The following PLCXD3 variants were observed in gnomAD, a reference collection of about 807,000 sequenced individuals.
The protein encoded by PLCXD3 is PI-PLC X domain-containing protein 3.
A neutral mutation model predicts 25.5 loss-of-function variants in PLCXD3; 19 were observed. That is an observed-to-expected ratio of 0.75 (90% confidence interval 0.52 to 1.09). The LOEUF (loss-of-function observed/expected upper bound fraction) is 1.09, where lower values mean the gene tolerates loss of function less well. Ranked by LOEUF, PLCXD3 falls within the 50% of genes least tolerant of loss-of-function variation. PLCXD3 has a pLI of 0.00. For missense variants in PLCXD3, 411 were observed against 388.1 expected (o/e 1.06, Z -0.50); for synonymous variants, 174 against 137.6 (o/e 1.26, Z -1.85).
At chr5:41,392,340 G>T (rs1561257566) in intron 1 of PLCXD3, among the ~76,000 whole-genome samples, 1 of 150,256 alleles carries the variant, frequency 6.7e-6, no homozygotes, top group South Asian at 2.1e-4. Context: ...AGAGAGAGAG[G>T]GAGAGAGAGA....
At chr5:41,479,468 A>C (rs186763779) in intron 1 of PLCXD3, among the ~76,000 whole-genome samples, 3 of 152,288 alleles carry the variant, frequency 2.0e-5, no homozygotes, top group Admixed American at 2.0e-4. Flanking sequence ...GTATGCCTAA[A>C]ATCGTTTAAA....
chr5:41,372,752 C>G (rs927389279), intron 2 of PLCXD3, among the ~76,000 whole-genome samples: 5 of 151,932 alleles, frequency 3.3e-5, no homozygotes, highest in African/African-American at 1.2e-4. Flanking sequence ...ACCTTAAAAA[C>G]TGAGTTCTTG....
At chr5:41,448,775 T>C (rs945183980) in intron 1 of PLCXD3, among the ~76,000 whole-genome samples, 2 of 152,178 alleles carry the variant, frequency 1.3e-5, no homozygotes, top group Non-Finnish European at 2.9e-5. Context: ...ATGAGTGAAA[T>C]AAATGAATGC....
chr5:41,330,082 A>C (rs1427366614), intron 2 of PLCXD3, among the ~76,000 whole-genome samples: 1 of 152,178 alleles, frequency 6.6e-6, no homozygotes, highest in East Asian at 1.9e-4. Context: ...TTTTCAATGA[A>C]GTGTATCTTT....
At chr5:41,457,215 C>CTCA (rs1375318806) in intron 1 of PLCXD3, among the ~76,000 whole-genome samples, 2 of 151,860 alleles carry the variant, frequency 1.3e-5, no homozygotes, top group Non-Finnish European at 2.9e-5. Context: ...CACACTTGGC[C>CTCA]TCATATCAGA....
intron 1 of PLCXD3, among the ~76,000 whole-genome samples, chr5:41,453,526 T>C (rs1393334244): frequency 6.6e-6 from 1 of 151,970 alleles, no homozygotes; most frequent in East Asian, 1.9e-4. Context: ...ACTCACTATA[T>C]AAACATTTAT....
chr5:41,317,504 C>A (rs1457242932), intron 2 of PLCXD3, among the ~76,000 whole-genome samples: 1 of 151,918 alleles, frequency 6.6e-6, no homozygotes, highest in Non-Finnish European at 1.5e-5. Context: ...GGTGACCTCA[C>A]CATATGAACT....
At chr5:41,337,093 A>G (rs866580217) in intron 2 of PLCXD3, among the ~76,000 whole-genome samples, 2 of 152,160 alleles carry the variant, frequency 1.3e-5, no homozygotes, top group Non-Finnish European at 2.9e-5. Context: ...CCACCAGGGT[A>G]GGTTTTCAGC....
At chr5:41,348,639 T>TTTG (rs1744368449) in intron 2 of PLCXD3, among the ~76,000 whole-genome samples, 1 of 151,994 alleles carries the variant, frequency 6.6e-6, no homozygotes, top group Non-Finnish European at 1.5e-5. Flanking sequence ...TACTGAGTTT[T>TTTG]TTTGTTTGTT....
chr5:41,347,551 G>C (rs1744335264), intron 2 of PLCXD3, among the ~76,000 whole-genome samples: 1 of 152,218 alleles, frequency 6.6e-6, no homozygotes. Context: ...CAAAAAGGCA[G>C]GGAGCTTGGT....
chr5:41,398,702 G>A (rs1178077174), intron 1 of PLCXD3, among the ~76,000 whole-genome samples: 3 of 151,988 alleles, frequency 2.0e-5, no homozygotes, highest in African/African-American at 7.3e-5. Context: ...CCCAAAAACT[G>A]GGGATAGAAG....
intron 2 of PLCXD3, among the ~76,000 whole-genome samples, chr5:41,373,812 T>C (rs933042808): frequency 7.9e-5 from 12 of 152,122 alleles, no homozygotes; most frequent in African/African-American, 2.4e-4. Context: ...TAAGTCTTCT[T>C]ACATGAGAAT....
intron 1 of PLCXD3, among the ~76,000 whole-genome samples, chr5:41,459,843 GTGTACAA>G (rs1747835511): frequency 6.6e-6 from 1 of 151,886 alleles, no homozygotes; most frequent in Admixed American, 6.6e-5. Context: ...CTGCCATTAA[GTGTACAA>G]TCAAGCAAGC....
At chr5:41,490,076 A>G (rs1344248308) in intron 1 of PLCXD3, among the ~76,000 whole-genome samples, 1 of 152,072 alleles carries the variant, frequency 6.6e-6, no homozygotes, top group African/African-American at 2.4e-5. Flanking sequence ...TGGGTTTGTC[A>G]TAGATAGCTC....
chr5:41,500,381 A>G (rs1489387087), intron 1 of PLCXD3, among the ~76,000 whole-genome samples: 4 of 151,890 alleles, frequency 2.6e-5, no homozygotes, highest in African/African-American at 9.7e-5. Context: ...ATACATGTAC[A>G]TACGAATGTA....
chr5:41,316,351 C>A (rs979991520), intron 2 of PLCXD3, among the ~76,000 whole-genome samples: 2 of 152,202 alleles, frequency 1.3e-5, no homozygotes, highest in Non-Finnish European at 2.9e-5. Flanking sequence ...AGATAACCAG[C>A]AGAGATATCC....
intron 2 of PLCXD3, among the ~76,000 whole-genome samples, chr5:41,376,221 T>A (rs1164787312): frequency 6.6e-6 from 1 of 152,132 alleles, no homozygotes; most frequent in African/African-American, 2.4e-5. Flanking sequence ...AAAATGATAC[T>A]GTAAATGGTA....
At chr5:41,343,547 C>A (rs1350085196) in intron 2 of PLCXD3, among the ~76,000 whole-genome samples, 1 of 152,072 alleles carries the variant, frequency 6.6e-6, no homozygotes, top group Non-Finnish European at 1.5e-5. Context: ...AAATTTCTAA[C>A]CCCAACAGGT....
chr5:41,477,701 G>A (rs576179760), intron 1 of PLCXD3, among the ~76,000 whole-genome samples: 1 of 151,940 alleles, frequency 6.6e-6, no homozygotes, highest in Non-Finnish European at 1.5e-5. Flanking sequence ...CCTCATCTGG[G>A]CATTAGAAGT....
Sources: allele counts gnomAD v4.1 joint callset (sites outside exome capture counted in the v4.1 genomes callset), GRCh38; gene constraint gnomAD v4.1.1; transcripts MANE v1.5; gene names NCBI Gene and HGNC (gene_info 2026-07-23, HGNC 2026-07-21).